SLC10A7: variants seen among roughly 807,000 people sequenced by gnomAD.
The protein encoded by SLC10A7 is solute carrier family 10 member 7.
Under a neutral mutation model 43.2 loss-of-function variants are expected in SLC10A7, and 29 were observed. That is an observed-to-expected ratio of 0.67 (90% CI 0.50 to 0.92). The LOEUF is 0.92. Among genes scored for constraint, SLC10A7 ranks in the 40% least tolerant of loss-of-function variants. The pLI, the probability that SLC10A7 is intolerant of heterozygous loss-of-function variation, is 0.00. For synonymous variants in SLC10A7, 152 were observed against 144.8 expected, an observed-to-expected ratio of 1.05 and a Z score of -0.35; for missense variants, 295 against 403.2, an observed-to-expected ratio of 0.73 and a Z score of 2.30.
rs928481938 is a variant in SLC10A7, at chr4:146,364,815, T to G, written c.436-38819A>C. Among the ~76,000 whole-genome samples the G allele has an allele frequency of 2.0e-5, 3 of 152,136 alleles. No homozygotes were observed. In the South Asian group the frequency reaches 6.2e-4, roughly 32 times the overall value. On this transcript the variant is annotated intron_variant, in intron 5 of 11. Coordinates refer to ENST00000335472, the MANE Select transcript of SLC10A7 (RefSeq NM_001029998.6). ...CTAACACAAAGCAATGAAAAATACT[T>G]GGAATGATGGGTATCCCAATTACCC... is the stretch of plus-strand genomic sequence containing the variant.
intron 5 of SLC10A7, among the ~76,000 whole-genome samples, chr4:146,440,516 A>G (rs1681846620): frequency 6.6e-6 from 1 of 152,100 alleles, no homozygotes; most frequent in South Asian, 2.1e-4. Flanking sequence ...ACTATACCAT[A>G]CTTGGACAGC....
chr4:146,393,498 T>C (rs1738597311), intron 5 of SLC10A7, among the ~76,000 whole-genome samples: 1 of 152,202 alleles, frequency 6.6e-6, no homozygotes, highest in South Asian at 2.1e-4. Flanking sequence ...AGCTTAATGT[T>C]TTCTTTCCAC....
intron 4 of SLC10A7, among the ~76,000 whole-genome samples, chr4:146,460,282 C>T (rs1222137450): frequency 3.3e-5 from 5 of 151,996 alleles, no homozygotes; most frequent in African/African-American, 4.8e-5. Context: ...AACAAAGTTT[C>T]TGTTAAAGTT....
At chr4:146,387,221 C>T (rs1395588646) in intron 5 of SLC10A7, among the ~76,000 whole-genome samples, 1 of 152,090 alleles carries the variant, frequency 6.6e-6, no homozygotes, top group Non-Finnish European at 1.5e-5. Context: ...AATCCTCAAC[C>T]AAATACTAGC....
At chr4:146,281,962 G>C (rs1277008391) in intron 10 of SLC10A7, among the ~76,000 whole-genome samples, 1 of 152,078 alleles carries the variant, frequency 6.6e-6, no homozygotes, top group African/African-American at 2.4e-5. Context: ...ACCAAGTGCT[G>C]TGCCAGGTAC....
chr4:146,507,009 C>T (rs544973912), intron 3 of SLC10A7, among the ~76,000 whole-genome samples: 1 of 152,250 alleles, frequency 6.6e-6, no homozygotes, highest in East Asian at 1.9e-4. Context: ...GATGTTTTGA[C>T]ATGTGTATAC....
At chr4:146,374,611 TATAC>T (rs1259238905) in intron 5 of SLC10A7, among the ~76,000 whole-genome samples, 15 of 128,446 alleles carry the variant, frequency 1.2e-4, no homozygotes, top group Admixed American at 5.5e-4. Flanking sequence ...CATATATATA[TATAC>T]ACATACACAC....
chr4:146,319,151 A>C (rs1732523548), intron 6 of SLC10A7, among the ~76,000 whole-genome samples: 2 of 152,074 alleles, frequency 1.3e-5, no homozygotes, highest in African/African-American at 4.8e-5. Flanking sequence ...GTCCTTACAA[A>C]GGACTTTAAG....
intron 5 of SLC10A7, among the ~76,000 whole-genome samples, chr4:146,435,340 C>G (rs1730128804): frequency 2.0e-5 from 3 of 152,180 alleles, no homozygotes; most frequent in Non-Finnish European, 4.4e-5. Flanking sequence ...TATGCATCCT[C>G]TATTTTCCTC....
At chr4:146,386,196 C>G (rs573123727) in intron 5 of SLC10A7, among the ~76,000 whole-genome samples, 5 of 152,128 alleles carry the variant, frequency 3.3e-5, no homozygotes, top group Non-Finnish European at 5.9e-5. Context: ...AGATTCTTAC[C>G]AACAGTGTTT....
intron 10 of SLC10A7, among the ~76,000 whole-genome samples, chr4:146,270,417 T>C (rs1728821058): frequency 6.6e-6 from 1 of 152,182 alleles, no homozygotes; most frequent in South Asian, 2.1e-4. Context: ...GTACAACCCA[T>C]CTCGCATTCT....
chr4:146,497,205 GAAAC>G (rs1306850983), intron 4 of SLC10A7, among the ~76,000 whole-genome samples: 2 of 152,180 alleles, frequency 1.3e-5, no homozygotes, highest in African/African-American at 2.4e-5. Flanking sequence ...TCCATTTTAA[GAAAC>G]AAACAATCAA....
At chr4:146,267,949 A>G (rs17021329) in intron 10 of SLC10A7, among the ~76,000 whole-genome samples, 3,309 of 152,230 alleles carry the variant, frequency 0.022, 110 homozygotes, top group African/African-American at 0.075. Context: ...TTTATCAGAT[A>G]TGTACCAATG....
At position 146,446,740 on chromosome 4, in the gene SLC10A7, TTATCTATCTATCTATCTATC is replaced by T. The variant is rs150949685; in HGVS notation, c.397-3939_397-3920del. Reference sequence around the variant, plus strand: ...CCAGAAGTAGAAAGGGTGAGAAGGTTTATCTATCTATCTATCTATCTATCTATCTATCTATCTATCTATCT... The same window carrying T: ...CCAGAAGTAGAAAGGGTGAGAAGGTTTATCTATCTATCTATCTATCTATCT... On this transcript the variant is annotated intron_variant, in intron 4 of 11. Transcript: ENST00000335472. Among the ~76,000 whole-genome samples, 132 of 143,822 alleles carry T rather than the reference TTATCTATCTATCTATCTATC, an allele frequency of 9.2e-4. 1 individual carries two copies. Among genetic ancestry groups the T allele is most frequent in the Middle Eastern group, 7.0e-3 (2 of 286 alleles). The allele number at this position is 143,822 out of a possible 152,430, so 94.4% of individuals were successfully genotyped here. A position where few individuals can be genotyped will look rare whatever the true frequency, so the allele number is the denominator to read the frequency against.
At chr4:146,304,405 C>T (rs1451529327) in intron 7 of SLC10A7, among the ~76,000 whole-genome samples, 2 of 151,954 alleles carry the variant, frequency 1.3e-5, no homozygotes, top group African/African-American at 4.8e-5. Context: ...AAATTTCCCT[C>T]TACACACTGC....
intron 5 of SLC10A7, among the ~76,000 whole-genome samples, chr4:146,427,949 T>C (rs1470103407): frequency 2.6e-5 from 4 of 152,032 alleles, no homozygotes; most frequent in South Asian, 2.1e-4. Context: ...GGCAGGATAA[T>C]TGCTTGAGCC....
intron 5 of SLC10A7, among the ~76,000 whole-genome samples, chr4:146,368,294 A>G (rs1209241082): frequency 6.6e-6 from 1 of 152,210 alleles, no homozygotes; most frequent in Non-Finnish European, 1.5e-5. Flanking sequence ...GCTTCCGGCA[A>G]GCTGCAGGCA....
intron 2 of SLC10A7, among the ~76,000 whole-genome samples, chr4:146,510,353 A>G (rs1737348550): frequency 1.3e-5 from 2 of 149,692 alleles, no homozygotes; most frequent in Admixed American, 1.3e-4. Context: ...TCCGTCCCCC[A>G]GTTTCAAGGG....
intron 6 of SLC10A7, among the ~76,000 whole-genome samples, chr4:146,306,710 AAC>A (rs1731603108): frequency 6.6e-6 from 1 of 152,138 alleles, no homozygotes; most frequent in African/African-American, 2.4e-5. Flanking sequence ...CACACACAGT[AAC>A]ACACTCACGT....
Sources: allele counts gnomAD v4.1 joint callset (sites outside exome capture counted in the v4.1 genomes callset), GRCh38; gene constraint gnomAD v4.1.1; transcripts MANE v1.5; gene names NCBI Gene and HGNC (gene_info 2026-07-23, HGNC 2026-07-21).